The following TBCD variants were observed in gnomAD, a reference collection of about 807,000 sequenced individuals.
The protein encoded by TBCD is tubulin folding cofactor D.
In TBCD, 105 loss-of-function variants were observed where a neutral mutation model predicts 169.3. That is an observed-to-expected ratio of 0.62 (90% CI 0.53 to 0.73). The LOEUF is 0.73. Ranked by LOEUF, TBCD falls within the 30% of genes least tolerant of loss-of-function variation. The pLI, the probability that TBCD is intolerant of heterozygous loss-of-function variation, is 0.00. For synonymous variants in TBCD, 700 were observed against 643.9 expected (o/e 1.09, Z -1.32); for missense variants, 1,444 against 1,600.1 (o/e 0.90, Z 1.66).
intron 23 of TBCD, chr17:82,914,092 C>T (rs1329831885): frequency 6.6e-6 from 1 of 152,436 alleles, no homozygotes; most frequent in Non-Finnish European, 1.5e-5. Flanking sequence ...CCCACCACAC[C>T]CACTGCTCCC....
At chr17:82,840,770 C>CTGCT (rs903780438) in intron 13 of TBCD, among the ~76,000 whole-genome samples, 2 of 152,122 alleles carry the variant, frequency 1.3e-5, no homozygotes, top group Admixed American at 1.3e-4. Context: ...CCCACCAAAA[C>CTGCT]TGCTTGCTTG....
intron 13 of TBCD, chr17:82,830,196 C>T: frequency 6.2e-7 from 1 of 1,614,214 alleles, no homozygotes; most frequent in Non-Finnish European, 8.5e-7. Context: ...TGTCCTGCAG[C>T]TTCGCCTTCT....
In TBCD at chr17:82,940,229, A is replaced by ACACACACT. The variant is rs1555673011; in HGVS notation, c.3479+760_3479+761insTCACACAC. On this transcript the variant is annotated intron_variant, in intron 37 of 38. Transcript: ENST00000355528. ...TGCTCACTTGCACGCGCGCACACACACACACACACACACACACTTCTAAAA... is the reference window on the plus strand; with the variant it reads ...TGCTCACTTGCACGCGCGCACACACACACACACTCACACACACACACACACTTCTAAAA... Among the ~76,000 whole-genome samples the ACACACACT allele has an allele frequency of 5.4e-4, 79 of 145,554 alleles. 2 individuals carry two copies. Among genetic ancestry groups the ACACACACT allele is most frequent in the South Asian group, 2.7e-3 (13 of 4,744 alleles).
At chr17:82,858,621 T>A in intron 13 of TBCD, 1 of 985,428 alleles carries the variant, frequency 1.0e-6, no homozygotes, top group Non-Finnish European at 1.2e-6. Flanking sequence ...TGGGTGTGCC[T>A]CACAGACACA....
Position 82,870,626 on chromosome 17 carries a change from C to T in TBCD, c.1475+246C>T, listed in dbSNP as rs114550507. Among the ~76,000 whole-genome samples, 1,207 of 152,186 alleles carry T rather than the reference C, an allele frequency of 7.9e-3. 15 individuals are homozygous for T. Among genetic ancestry groups the T allele is most frequent in the African/African-American group, 0.028 (1,152 of 41,516 alleles). ...ACCCTGCAGGCAGTGGATTCTTGGG[C>T]GCAGGTGATCGACAACCAGAGCAGA... On this transcript the variant is annotated intron_variant, in intron 14 of 38. Coordinates refer to ENST00000355528, the MANE Select transcript of TBCD (RefSeq NM_005993.5).
At chr17:82,906,173 A>G in intron 20 of TBCD, 120 bp downstream of exon 20, 1 of 762,652 alleles carries the variant, frequency 1.3e-6, no homozygotes, top group South Asian at 1.7e-5. Flanking sequence ...TATCTGCACC[A>G]GTGTCACAGT....
At chr17:82,839,644 A>G (rs1291955460) in intron 13 of TBCD, among the ~76,000 whole-genome samples, 1 of 152,178 alleles carries the variant, frequency 6.6e-6, no homozygotes, top group Admixed American at 6.5e-5. Flanking sequence ...AATAATATGA[A>G]TTTGTGTTGG....
chr17:82,839,563 C>T (rs969664711), intron 13 of TBCD, among the ~76,000 whole-genome samples: 1 of 152,178 alleles, frequency 6.6e-6, no homozygotes, highest in Non-Finnish European at 1.5e-5. Context: ...ATACACCACA[C>T]ATATATATAT....
At chr17:82,886,667 TCC>T (rs2058730986) in intron 15 of TBCD, among the ~76,000 whole-genome samples, 1 of 4,084 alleles carries the variant, frequency 2.4e-4, no homozygotes, top group Non-Finnish European at 6.3e-4. Flanking sequence ...TCCCCTCCCC[TCC>T]CCTCCCCTCC....
chr17:82,870,427 G>T (rs3744160), intron 14 of TBCD, 47 bp downstream of exon 14: 1 of 1,586,800 alleles, frequency 6.3e-7, no homozygotes, highest in South Asian at 1.1e-5. Flanking sequence ...GCCCCCTGAC[G>T]GCGCCGTGTG....
At chr17:82,865,527 G>C (rs1333784648) in intron 13 of TBCD, 13 of 985,490 alleles carry the variant, frequency 1.3e-5, no homozygotes, top group Non-Finnish European at 1.6e-5. Flanking sequence ...GTGGCGGGCT[G>C]TCTGTGCCGC....
chr17:82,935,483 G>A (rs190204590), intron 34 of TBCD, among the ~76,000 whole-genome samples: 5 of 110,626 alleles, frequency 4.5e-5, no homozygotes, highest in African/African-American at 1.4e-4. Flanking sequence ...CCCCCTCCCC[G>A]CCCCCACCTG....
chr17:82,799,464 GAAAC>G (rs2050341948), intron 8 of TBCD, among the ~76,000 whole-genome samples: 1 of 94,916 alleles, frequency 1.1e-5, no homozygotes, highest in African/African-American at 4.2e-5. Flanking sequence ...AAAAAAAAAA[GAAAC>G]TATCCGAATA....
intron 15 of TBCD, among the ~76,000 whole-genome samples, chr17:82,888,110 T>C (rs2058879203): frequency 6.6e-6 from 1 of 152,240 alleles, no homozygotes. Flanking sequence ...TTTTTGTTTT[T>C]GTGGCTCATG....
chr17:82,888,206 T>C (rs1365208291), intron 15 of TBCD, among the ~76,000 whole-genome samples: 1 of 152,238 alleles, frequency 6.6e-6, no homozygotes, highest in Non-Finnish European at 1.5e-5. Flanking sequence ...TCCCGTGTTT[T>C]CTGTTCTGCT....
chr17:82,897,046 A>G (rs1427983801), intron 17 of TBCD, among the ~76,000 whole-genome samples: 3 of 152,128 alleles, frequency 2.0e-5, no homozygotes, highest in African/African-American at 7.2e-5. Context: ...TGTTTAACAC[A>G]TCTTTCGCCC....
intron 18 of TBCD, among the ~76,000 whole-genome samples, chr17:82,901,418 A>T (rs190697345): frequency 6.6e-6 from 1 of 152,058 alleles, no homozygotes; most frequent in Non-Finnish European, 1.5e-5. Flanking sequence ...TGTGATGTGG[A>T]GGGGGTCCTT....
chr17:82,784,360 C>T (rs1186298278), intron 7 of TBCD, among the ~76,000 whole-genome samples: 1 of 152,164 alleles, frequency 6.6e-6, no homozygotes, highest in African/African-American at 2.4e-5. Flanking sequence ...CCAGGTGCCC[C>T]TCGTTCCGGC....
At chr17:82,769,268 G>C (rs1279199503) in intron 5 of TBCD, among the ~76,000 whole-genome samples, 3 of 152,222 alleles carry the variant, frequency 2.0e-5, no homozygotes, top group African/African-American at 7.2e-5. Context: ...CTCCAACTTA[G>C]TGACTTATTC....
Sources: allele counts gnomAD v4.1 joint callset (sites outside exome capture counted in the v4.1 genomes callset), GRCh38; gene constraint gnomAD v4.1.1; transcripts MANE v1.5; gene names NCBI Gene and HGNC (gene_info 2026-07-23, HGNC 2026-07-21).